Variants in STAG3 observed in about 807,000 individuals in gnomAD.
The protein encoded by STAG3 is STAG3 cohesin complex component.
STAG3 carries 101 observed loss-of-function variants against 160.7 expected under a neutral mutation model. That is an observed-to-expected ratio of 0.63 (90% CI 0.54 to 0.74). The LOEUF (loss-of-function observed/expected upper bound fraction) is 0.74, where lower values mean the gene tolerates loss of function less well. Ranked by LOEUF, STAG3 falls within the 30% of genes least tolerant of loss-of-function variation. The pLI, the probability that STAG3 is intolerant of heterozygous loss-of-function variation, is 0.00. For synonymous variants in STAG3, 519 were observed against 585.0 expected (o/e 0.89, Z 1.63); for missense variants, 1,188 against 1,517.4 (o/e 0.78, Z 3.61).
At chr7:100,188,648 TGGG>T (rs1562970046) in intron 6 of STAG3, 119 bp downstream of exon 6, 2 of 1,129,422 alleles carry the variant, frequency 1.8e-6, no homozygotes, top group Non-Finnish European at 2.7e-6. Context: ...TTCAGTCTCT[TGGG>T]GGTAAAAGAG....
At position 100,200,901 on chromosome 7, in the gene STAG3, T is replaced by C. The variant is rs748358985; in HGVS notation, c.1993T>C (p.Phe665Leu). ...ATTCACTTTCTTCAGCCGGGCGGAC[T>C]TTGCCCGCAGCCAGCTAGTAGATTT... Reference protein sequence around the residue: ...PEFTFFSRADFARSQLVDLLT... With the variant: ...PEFTFFSRADLARSQLVDLLT... Residue 665 changes from phenylalanine (F) to leucine (L), a missense_variant, in exon 19 of 34, where the codon TTT (phenylalanine) becomes CTT (leucine). Around this residue, in one of 4 missense-constraint regions of STAG3, gnomAD observed 647 missense variants for 717.2 expected, o/e 0.90. Transcript: ENST00000615138. The C allele has an allele frequency of 6.2e-7, 1 of 1,614,210 alleles. No homozygotes were observed. Among genetic ancestry groups the C allele is most frequent in the Non-Finnish European group, 8.5e-7 (1 of 1,180,044 alleles).
chr7:100,205,351 GT>G lies in STAG3; in HGVS notation c.3206del (p.Val1069AlafsTer31). The G allele has an allele frequency of 6.2e-7, 1 of 1,613,944 alleles. No homozygotes were observed. Among genetic ancestry groups the G allele is most frequent in the Non-Finnish European group, 8.5e-7 (1 of 1,179,988 alleles). Reference sequence around the variant, plus strand: ...GAACACAGCAGAGACCAGCCCTCAGGTCCTCCCCAGCTCCAAGAGGAGGCGC... The same window carrying G: ...GAACACAGCAGAGACCAGCCCTCAGGCCTCCCCAGCTCCAAGAGGAGGCGC... Reference protein sequence around the residue: ...VENTAETSPQVLPSSKRRRVE... With the variant: ...VENTAETSPQXLPSSKRRRVE... On this transcript the variant is annotated frameshift_variant, in exon 29 of 34. Transcript: ENST00000615138. LOFTEE classifies it high-confidence loss of function.
At position 100,182,082 on chromosome 7, in the gene STAG3, T is replaced by A; in HGVS notation, c.117-8T>A. 6.2e-7 allele frequency: 1 copy of A among 1,611,172 alleles called. No homozygotes were observed. The highest frequency in any genetic ancestry group is 8.5e-7 in the Non-Finnish European group (1 of 1,177,506). ...GTTATATTTAAAGAGAACCATACTTTCTCACAGGAATGGCGACTCTTTGTT... is the reference window on the plus strand; with the variant it reads ...GTTATATTTAAAGAGAACCATACTTACTCACAGGAATGGCGACTCTTTGTT... On this transcript the variant is annotated splice_region_variant and splice_polypyrimidine_tract_variant and intron_variant, in intron 2 of 33. Coordinates refer to ENST00000615138, the MANE Select transcript of STAG3 (RefSeq NM_001282717.2).
At chr7:100,199,899 C>CA (rs11383220) in intron 16 of STAG3, among the ~76,000 whole-genome samples, 25,207 of 122,198 alleles carry the variant, frequency 0.21, 2,578 homozygotes, top group Middle Eastern at 0.33. Context: ...ACTAAAAATA[C>CA]AAAAAAAAAA....
At chr7:100,202,939 C>T (rs1219250378) in intron 25 of STAG3, among the ~76,000 whole-genome samples, 1 of 152,148 alleles carries the variant, frequency 6.6e-6, no homozygotes, top group East Asian at 1.9e-4. Context: ...TAGATAGGTG[C>T]CCCAGTTTCC....
At chr7:100,188,605 T>C in intron 6 of STAG3, 76 bp downstream of exon 6, 1 of 1,270,870 alleles carries the variant, frequency 7.9e-7, no homozygotes, top group South Asian at 1.2e-5. Flanking sequence ...TCTTTTTGAT[T>C]CTGTGAAATA....
intron 1 of STAG3, among the ~76,000 whole-genome samples, chr7:100,179,144 T>C (rs1423054809): frequency 2.2e-5 from 3 of 136,150 alleles, no homozygotes; most frequent in Non-Finnish European, 3.2e-5. Flanking sequence ...GCACCTTGCC[T>C]TTTTTTTTTT....
chr7:100,181,933 C>A (rs1273731712), intron 2 of STAG3, among the ~76,000 whole-genome samples, 157 bp from the exon 3 acceptor site: 4 of 149,406 alleles, frequency 2.7e-5, no homozygotes, highest in Non-Finnish European at 4.5e-5. Flanking sequence ...TTTGTCCCAA[C>A]TTCCTACTAA....
intron 5 of STAG3, among the ~76,000 whole-genome samples, chr7:100,188,228 C>G (rs1174707994): frequency 6.6e-6 from 1 of 152,122 alleles, no homozygotes; most frequent in Non-Finnish European, 1.5e-5. Flanking sequence ...TGGATTTGGC[C>G]ATGTCTACAC....
In STAG3 at chr7:100,214,151, A is replaced by G; in HGVS notation, c.*136A>G. On this transcript the variant is annotated 3_prime_UTR_variant, in exon 34 of 34. Coordinates refer to ENST00000615138, the MANE Select transcript of STAG3 (RefSeq NM_001282717.2). Reference sequence around the variant, plus strand: ...GGGCTCTGAGGGGAAAGAGTTGGGCATTGTTTTTCTAACCTAACCTTTCCC... The same window carrying G: ...GGGCTCTGAGGGGAAAGAGTTGGGCGTTGTTTTTCTAACCTAACCTTTCCC... 1.2e-5 allele frequency: 15 copies of G among 1,285,224 alleles called. No homozygotes were observed. The highest frequency in any genetic ancestry group is 1.5e-5 in the Non-Finnish European group (14 of 909,810). 79.6% of individuals were successfully genotyped at this position (1,285,224 alleles called of 1,614,324 possible).
chr7:100,185,549 C>A (rs1198504367), intron 4 of STAG3, among the ~76,000 whole-genome samples: 2 of 150,578 alleles, frequency 1.3e-5, no homozygotes, highest in African/African-American at 4.9e-5. Context: ...TTGTAGTGAG[C>A]CGAGATCACA....
rs748441927 is a variant in STAG3 at position 100,202,586 on chromosome 7, A to G, written c.2696A>G (p.Asn899Ser). ...DAASDVFKHYNKFYNDYGDII... is the reference protein window; with the variant it reads ...DAASDVFKHYSKFYNDYGDII... ...GCCTCAGATGTTTTCAAACACTACA[A>G]CAAGGTACACCAAGGCCCTACAGAA... Residue 899 changes from asparagine to serine, a missense_variant, in exon 25 of 34, where the codon AAC becomes AGC. This residue lies in a region of STAG3 where 647 missense variants were observed against 717.2 expected (regional missense o/e 0.90). Transcript: ENST00000615138. The G allele has an allele frequency of 1.9e-6, 3 of 1,613,156 alleles. No individual in the cohort carries two copies. The highest frequency in any genetic ancestry group is 2.7e-5 in the African/African-American group (2 of 74,988).
In STAG3 at chr7:100,187,312, C is replaced by T. The variant is rs117493030; in HGVS notation, c.433+1016C>T. ...TGTTGGTATTACAGGCATGAGCCAT[C>T]GCGCCTGGCCTGTTTTTTGGTTTGT... On this transcript the variant is annotated intron_variant, in intron 5 of 33. Coordinates refer to ENST00000615138, the MANE Select transcript of STAG3 (RefSeq NM_001282717.2). 4.4e-3 allele frequency among the ~76,000 whole-genome samples: 662 copies of T among 151,550 alleles called. 4 individuals are homozygous for T. Among genetic ancestry groups the T allele is most frequent in the Non-Finnish European group, 6.6e-3 (447 of 67,910 alleles).
chr7:100,199,523 A>G lies in STAG3; in HGVS notation c.1574-18A>G. On this transcript the variant is annotated intron_variant, in intron 15 of 33. Transcript: ENST00000615138. The stretch of plus-strand genomic sequence containing the variant: ...GCTAATCTTTGATTCTATGTTTTTG[A>G]TCCTCCTGGCACTCCAGACCTGGGT... The G allele has an allele frequency of 6.3e-7, 1 of 1,588,144 alleles. No individual in the cohort carries two copies. Among genetic ancestry groups the G allele is most frequent in the Non-Finnish European group, 8.6e-7 (1 of 1,166,172 alleles).
chr7:100,181,110 G>A (rs557716492), intron 2 of STAG3, among the ~76,000 whole-genome samples: 2 of 152,212 alleles, frequency 1.3e-5, no homozygotes, highest in East Asian at 1.9e-4. Flanking sequence ...TTCTTTATTT[G>A]TTGCCTGGTA....
intron 8 of STAG3, among the ~76,000 whole-genome samples, chr7:100,192,100 A>G (rs1800379201): frequency 3.3e-5 from 5 of 152,228 alleles, no homozygotes; most frequent in Admixed American, 3.3e-4. Context: ...CTGCACGTGT[A>G]GTTTACTTCC....
chr7:100,185,380 A>AG (rs1314625724), intron 4 of STAG3, among the ~76,000 whole-genome samples: 1 of 152,056 alleles, frequency 6.6e-6, no homozygotes, highest in Non-Finnish European at 1.5e-5. Context: ...ATCTCACTTG[A>AG]GGTCAGGAGT....
chr7:100,195,522 C>A (rs1300051658), intron 9 of STAG3, 140 bp downstream of exon 9: 2 of 713,968 alleles, frequency 2.8e-6, no homozygotes, highest in East Asian at 2.7e-5. Flanking sequence ...AAATTCTTGA[C>A]AACAAATGTT....
rs751387019 is a variant in STAG3 at position 100,211,453 on chromosome 7, C to T, written c.3432C>T (p.Gly1144=). The part of the protein sequence containing the change: ...DFAQGSQPVA[G]TERSRFLGPQ... The stretch of plus-strand genomic sequence containing the variant: ...TTCCCAGCAGTCAGCCCGTCGCAGG[C>T]ACCGAGAGGTCAAGGTTCTTGGGTC... Residue 1144 remains glycine (G), a synonymous_variant, in exon 31 of 34, where the codon GGC becomes GGT. Transcript: ENST00000615138. The T allele has an allele frequency of 1.2e-6, 2 of 1,614,030 alleles. No homozygotes were observed. Among genetic ancestry groups the T allele is most frequent in the Non-Finnish European group, 1.7e-6 (2 of 1,180,012 alleles).
Sources: gnomAD v4.1 joint callset for allele counts (sites outside exome capture counted in the v4.1 genomes callset) on GRCh38, gnomAD v4.1.1 for gene constraint, gnomAD v4.1.1 regional missense constraint, MANE v1.5 for transcripts, NCBI Gene and HGNC (gene_info 2026-07-23, HGNC 2026-07-21) for gene names.